DDX17: variants seen among roughly 807,000 people sequenced by gnomAD.
DDX17 encodes DEAD-box helicase 17.
Under a neutral mutation model 80.8 loss-of-function variants are expected in DDX17, and 10 were observed. The observed-to-expected ratio is 0.12, with a 90% CI of 0.08 to 0.21. The LOEUF (loss-of-function observed/expected upper bound fraction) is 0.21, where lower values mean the gene tolerates loss of function less well. Ranked by LOEUF, DDX17 falls within the 10% of genes least tolerant of loss-of-function variation. The probability of loss-of-function intolerance (pLI) is 1.00; values close to 1 mark genes in which losing one functional copy is unlikely to be tolerated. For synonymous variants in DDX17, 339 were observed against 336.2 expected (o/e 1.01, Z -0.09); for missense variants, 586 against 957.4 (o/e 0.61, Z 5.12).
Position 38,485,924 on chromosome 22 carries a change from C to A in DDX17, c.*11G>T. On this transcript the variant is annotated 3_prime_UTR_variant, in exon 13 of 13. Transcript: ENST00000403230. The stretch of plus-strand genomic sequence containing the variant: ...ATTAAGTCTGCTGGAGTCACTACCA[C>A]TTGAGTGGTTTCATTTACGTGAAGG... 1 of 1,612,250 alleles carries A rather than the reference C, an allele frequency of 6.2e-7. No homozygotes were observed. Among genetic ancestry groups the A allele is most frequent in the Non-Finnish European group, 8.5e-7 (1 of 1,179,656 alleles).
chr22:38,501,115 C>T lies in DDX17; in HGVS notation c.438+15G>A. On this transcript the variant is annotated intron_variant, in intron 2 of 12. Coordinates refer to ENST00000403230, the MANE Select transcript of DDX17 (RefSeq NM_006386.5). ...GTTCAATAATCTGTACATTAAAACACACATGTAAACTTACTGGTGTCAGCC... is the reference window on the plus strand; with the variant it reads ...GTTCAATAATCTGTACATTAAAACATACATGTAAACTTACTGGTGTCAGCC... The T allele has an allele frequency of 6.2e-7, 1 of 1,610,692 alleles. No individual in the cohort carries two copies. The highest frequency in any genetic ancestry group is 8.5e-7 in the Non-Finnish European group (1 of 1,179,096).
At position 38,490,183 on chromosome 22, in the gene DDX17, G is replaced by A. The variant is rs2089699220; in HGVS notation, c.1447+1873C>T. 8 of 1,197,072 alleles carry A rather than the reference G, an allele frequency of 6.7e-6. No individual in the cohort carries two copies. The South Asian group carries it at 1.1e-4, about 16-fold the overall frequency. The allele number at this position is 1,197,072 out of a possible 1,614,324, so 74.2% of individuals were successfully genotyped here. On this transcript the variant is annotated intron_variant, in intron 11 of 12. Transcript: ENST00000403230. ...AGTCAAGTCTACCCTGATGTTATCT[G>A]TGCACTGCCACAATATTATCTTGCT...
intron 11 of DDX17, 121 bp from the exon 12 acceptor site, chr22:38,488,236 A>C: frequency 6.3e-7 from 1 of 1,589,090 alleles, no homozygotes; most frequent in Non-Finnish European, 8.6e-7. Context: ...AAGAAGGTGA[A>C]GTTAGTAACC....
At position 38,506,210 on chromosome 22, in the gene DDX17, G is replaced by T; in HGVS notation, c.28C>A (p.Leu10Ile). Residue 10 changes from leucine to isoleucine, a missense_variant, in exon 1 of 13, where the codon CTC (leucine) becomes ATC (isoleucine). Leu to Ile is a conservative substitution (Grantham distance 5). Around this residue, in one of 4 missense-constraint regions of DDX17, gnomAD observed 215 missense variants for 238.4 expected, o/e 0.90. Transcript: ENST00000403230. ...GTCGGAGACGGGAGCAAAACACAGA[G>T]AATCGGGGCTACAAAGCCGGTGGGC... 1.2e-6 allele frequency: 2 copies of T among 1,607,470 alleles called. No homozygotes were observed. The highest frequency in any genetic ancestry group is 1.1e-5 in the South Asian group (1 of 90,182).
chr22:38,500,417 C>A (rs966872817), intron 2 of DDX17, among the ~76,000 whole-genome samples: 1 of 150,532 alleles, frequency 6.6e-6, no homozygotes, highest in East Asian at 2.0e-4. Flanking sequence ...CTGAGGCGGG[C>A]AGATCACAAG....
chr22:38,486,034 A>G lies in DDX17; in HGVS notation c.2091T>C (p.Phe697=), dbSNP rs754504119. The G allele has an allele frequency of 1.2e-6, 2 of 1,614,048 alleles. No individual in the cohort carries two copies. The highest frequency in any genetic ancestry group is 1.7e-6 in the Non-Finnish European group (2 of 1,180,006). Residue 697 remains phenylalanine (F), a synonymous_variant, in exon 13 of 13, where the codon TTT becomes TTC. Transcript: ENST00000403230. ...TATTGGTAGCTCCCGGAGGCTGTGC[A>G]AACTGTTGTGACATCAGTGGCTGTG...
rs1199033605 is a variant in DDX17 at position 38,494,030 on chromosome 22, C to T, written c.1316G>A (p.Arg439His). Residue 439 changes from arginine to histidine, a missense_variant, in exon 9 of 13, where the codon CGC (arginine) becomes CAC (histidine). By Grantham distance (29) the Arg-to-His change is conservative. Coordinates refer to ENST00000403230, the MANE Select transcript of DDX17 (RefSeq NM_006386.5). Reference sequence around the variant, plus strand: ...TTGGTGCTATACTCACCCATCTCTGCGCATCCTTCGAGTCAGATCATCACA... The same window carrying T: ...TTGGTGCTATACTCACCCATCTCTGTGCATCCTTCGAGTCAGATCATCACA... 2 of 1,612,626 alleles carry T rather than the reference C, an allele frequency of 1.2e-6. No individual in the cohort carries two copies. Among genetic ancestry groups the T allele is most frequent in the Non-Finnish European group, 8.5e-7 (1 of 1,178,916 alleles).
intron 10 of DDX17, 119 bp downstream of exon 10, chr22:38,493,591 A>T: frequency 1.3e-6 from 1 of 779,902 alleles, no homozygotes; most frequent in Non-Finnish European, 2.2e-6. Flanking sequence ...TTACAAAGCC[A>T]AGCATACTTA....
At chr22:38,497,854 G>A (rs1393694216) in intron 5 of DDX17, among the ~76,000 whole-genome samples, 1 of 152,078 alleles carries the variant, frequency 6.6e-6, no homozygotes, top group Non-Finnish European at 1.5e-5. Context: ...TGCCCATACA[G>A]CATGCATGGT....
In DDX17 at chr22:38,505,967, C is replaced by A; in HGVS notation, c.271G>T (p.Asp91Tyr). The A allele has an allele frequency of 6.3e-7, 1 of 1,584,672 alleles. No individual in the cohort carries two copies. The highest frequency in any genetic ancestry group is 1.8e-5 in the Admixed American group (1 of 55,332). ...CACCCTTACCCTCCACGGTCACGAT[C>A]CCGGTCCCGGTCCCCAAAGCCTCCT... The change falls in exon 1 of 13, where the codon GAT (aspartate) becomes TAT (tyrosine). Residue 91 changes from aspartate (D) to tyrosine (Y), a missense_variant. This residue lies in a region of DDX17 where 215 missense variants were observed against 238.4 expected (regional missense o/e 0.90). Coordinates refer to ENST00000403230, the MANE Select transcript of DDX17 (RefSeq NM_006386.5).
intron 2 of DDX17, 36 bp from the exon 3 acceptor site, chr22:38,499,535 T>C (rs1370679311): frequency 3.4e-6 from 5 of 1,484,388 alleles, no homozygotes; most frequent in Non-Finnish European, 1.9e-6. Flanking sequence ...AGTAAACTAG[T>C]TATTCTAAAC....
chr22:38,497,968 T>C (rs1486469693), intron 5 of DDX17, 117 bp downstream of exon 5: 6 of 909,608 alleles, frequency 6.6e-6, no homozygotes, highest in Non-Finnish European at 8.4e-6. Flanking sequence ...AATGAAACCA[T>C]TTCCACCTAT....
At position 38,494,999 on chromosome 22, in the gene DDX17, C is replaced by G; in HGVS notation, c.928G>C (p.Glu310Gln). Residue 310 changes from glutamate to glutamine, a missense_variant, in exon 7 of 13, where the codon GAG becomes CAG. Physicochemically the swap from Glu to Gln is conservative, Grantham distance 29. Transcript: ENST00000403230. The stretch of plus-strand genomic sequence containing the variant: ...CGGCGAAGATTTGTCTTTCCTGACT[C>G]CAGGAAATCTATCAGACGTCCAGGA... 1 of 1,614,100 alleles carries G rather than the reference C, an allele frequency of 6.2e-7. No homozygotes were observed. Among genetic ancestry groups the G allele is most frequent in the Non-Finnish European group, 8.5e-7 (1 of 1,180,000 alleles).
intron 5 of DDX17, among the ~76,000 whole-genome samples, chr22:38,497,657 T>A (rs1298566725): frequency 7.2e-6 from 1 of 138,178 alleles, no homozygotes; most frequent in Admixed American, 7.4e-5. Flanking sequence ...CTGGACGCAG[T>A]GGCTCATGCC....
chr22:38,488,766 T>C (rs1199494983), intron 11 of DDX17: 1 of 985,634 alleles, frequency 1.0e-6, no homozygotes. Flanking sequence ...AGATTATCTA[T>C]CCCCTTTCAA....
rs2089827513 is a variant in DDX17, at chr22:38,501,222, G to A, written c.346C>T (p.Arg116Cys). 1.2e-6 allele frequency: 2 copies of A among 1,612,832 alleles called. No homozygotes were observed. The highest frequency in any genetic ancestry group is 1.3e-5 in the African/African-American group (1 of 74,706). Residue 116 changes from arginine to cysteine, a missense_variant, in exon 2 of 13, where the codon CGT (arginine) becomes TGT (cysteine). Transcript: ENST00000403230. Reference sequence around the variant, plus strand: ...AAATCCCACTTTTTTTTACGCAAACGCTCCCCAGGATTACCAAATTTCTTC... The same window carrying A: ...AAATCCCACTTTTTTTTACGCAAACACTCCCCAGGATTACCAAATTTCTTC...
In DDX17 at chr22:38,489,274, G is replaced by A. The variant is rs1037368339; in HGVS notation, c.1448-1159C>T. ...TTGGGAAACCGCTGCAGCCGATCCC[G>A]TCTCTTTGCCTTTTATTTTTGGCGG... On this transcript the variant is annotated intron_variant, in intron 11 of 12. Coordinates refer to ENST00000403230, the MANE Select transcript of DDX17 (RefSeq NM_006386.5). The surrounding 1 kb of genome is among the most constrained non-coding windows in gnomAD (Gnocchi z 4.6). 5.1e-6 allele frequency: 5 copies of A among 985,638 alleles called. No individual in the cohort carries two copies. In the African/African-American group the frequency reaches 5.2e-5, roughly 10 times the overall value. The allele number at this position is 985,638 out of a possible 1,614,324, so 61.1% of individuals were successfully genotyped here.
chr22:38,490,297 G>T, intron 11 of DDX17: 2 of 1,282,910 alleles, frequency 1.6e-6, no homozygotes, highest in South Asian at 1.3e-5. Flanking sequence ...TGTCTGAAAG[G>T]CCCTATGACA....
In DDX17 at chr22:38,497,297, C is replaced by CAAAA. The variant is rs138448; in HGVS notation, c.738+784_738+787dup. Among the ~76,000 whole-genome samples, 220 of 36,134 alleles carry CAAAA rather than the reference C, an allele frequency of 6.1e-3. 10 individuals carry two copies. Among genetic ancestry groups the CAAAA allele is most frequent in the East Asian group, 0.012 (14 of 1,136 alleles). The allele number at this position is 36,134 out of a possible 152,430, so 23.7% of individuals were successfully genotyped here. ...GGCAACCAAGAGCGAAACTCCATCT[C>CAAAA]AAAAAAAAAAAAAAAAAAAAAAAAA... On this transcript the variant is annotated intron_variant, in intron 5 of 12. Coordinates refer to ENST00000403230, the MANE Select transcript of DDX17 (RefSeq NM_006386.5).
Sources: allele counts gnomAD v4.1 joint callset (sites outside exome capture counted in the v4.1 genomes callset), GRCh38; gene constraint gnomAD v4.1.1; regional missense constraint gnomAD v4.1.1; non-coding constraint Gnocchi (gnomAD v3.1); transcripts MANE v1.5; gene names NCBI Gene and HGNC (gene_info 2026-07-23, HGNC 2026-07-21).